The following CDH13 variants were observed in gnomAD, a reference collection of about 807,000 sequenced individuals.
CDH13 encodes the protein cadherin-13.
In CDH13, 24 loss-of-function variants were observed where a neutral mutation model predicts 63.8. The observed-to-expected ratio is 0.38, with a 90% CI of 0.27 to 0.53. CDH13 has a LOEUF of 0.53. Ranked by LOEUF, CDH13 falls within the 20% of genes least tolerant of loss-of-function variation. The pLI is 0.85. For synonymous variants in CDH13, 503 were observed against 355.3 expected, an observed-to-expected ratio of 1.42 and a Z score of -4.67; for missense variants, 1,049 against 903.1, an observed-to-expected ratio of 1.16 and a Z score of -2.07.
intron 7 of CDH13, among the ~76,000 whole-genome samples, chr16:83,543,103 G>T (rs1388016398): frequency 7.2e-5 from 11 of 152,172 alleles, no homozygotes; most frequent in African/African-American, 2.2e-4. Flanking sequence ...GTGTAGCTTG[G>T]CGCTTGGCAC....
intron 5 of CDH13, among the ~76,000 whole-genome samples, chr16:83,307,613 G>T (rs1231735116): frequency 2.0e-5 from 3 of 152,178 alleles, no homozygotes; most frequent in Non-Finnish European, 4.4e-5. Flanking sequence ...TGGTTACAAA[G>T]TAAAATAAAC....
chr16:83,077,935 G>C (rs2032964587), intron 3 of CDH13, among the ~76,000 whole-genome samples: 2 of 152,196 alleles, frequency 1.3e-5, no homozygotes, highest in South Asian at 4.1e-4. Flanking sequence ...GATTTAATTT[G>C]CGTTACCCTA....
chr16:83,240,677 A>G (rs1490581145), intron 5 of CDH13, among the ~76,000 whole-genome samples: 3 of 28,220 alleles, frequency 1.1e-4, no homozygotes, highest in South Asian at 3.3e-3. Context: ...AAATAGTAAA[A>G]AAAAAAAAAA....
At chr16:83,356,083 A>T (rs1466598527) in intron 6 of CDH13, among the ~76,000 whole-genome samples, 2 of 152,066 alleles carry the variant, frequency 1.3e-5, no homozygotes, top group Non-Finnish European at 2.9e-5. Flanking sequence ...TTTTCATTTC[A>T]TCCCCATCCA....
chr16:82,666,553 G>C (rs932866696), intron 1 of CDH13, among the ~76,000 whole-genome samples: 2 of 152,230 alleles, frequency 1.3e-5, no homozygotes, highest in African/African-American at 4.8e-5. Context: ...TTTGAAGCCA[G>C]ACTCACTTGC....
At chr16:82,951,460 T>G (rs920173201) in intron 2 of CDH13, among the ~76,000 whole-genome samples, 1 of 152,140 alleles carries the variant, frequency 6.6e-6, no homozygotes, top group Non-Finnish European at 1.5e-5. Context: ...TTTCATCTCC[T>G]CCCAAGCCGA....
intron 4 of CDH13, among the ~76,000 whole-genome samples, chr16:83,146,387 A>G (rs1401670811): frequency 1.3e-5 from 2 of 152,198 alleles, no homozygotes; most frequent in African/African-American, 4.8e-5. Flanking sequence ...CAAGAAACCT[A>G]AAAGTAGGCA....
At chr16:83,589,243 C>T (rs1470189349) in intron 7 of CDH13, among the ~76,000 whole-genome samples, 1 of 143,254 alleles carries the variant, frequency 7.0e-6, no homozygotes, top group African/African-American at 2.6e-5. Context: ...ATCCCCCTCC[C>T]TCTTCTCTCT....
chr16:83,115,608 G>A (rs2035255831), intron 3 of CDH13, among the ~76,000 whole-genome samples: 1 of 152,220 alleles, frequency 6.6e-6, no homozygotes. Flanking sequence ...TGACTTACAA[G>A]ACTGTCCATA....
chr16:83,055,717 A>C (rs541746859), intron 3 of CDH13, among the ~76,000 whole-genome samples: 148 of 152,066 alleles, frequency 9.7e-4, no homozygotes, highest in African/African-American at 3.5e-3. Flanking sequence ...TGTAAAATAG[A>C]AAAAAAATGA....
intron 5 of CDH13, among the ~76,000 whole-genome samples, chr16:83,293,988 G>GA (rs1295661036): frequency 3.3e-5 from 5 of 152,206 alleles, no homozygotes; most frequent in East Asian, 1.9e-4. Flanking sequence ...GGAGAAGATT[G>GA]AAAAAAATCA....
intron 1 of CDH13, among the ~76,000 whole-genome samples, chr16:82,813,312 GCA>G (rs1195730945): frequency 6.6e-6 from 1 of 152,142 alleles, no homozygotes; most frequent in Non-Finnish European, 1.5e-5. Context: ...CTTCAGAGCT[GCA>G]CCTGTGCTCC....
At chr16:82,709,542 C>T (rs1421322001) in intron 1 of CDH13, among the ~76,000 whole-genome samples, 1 of 152,160 alleles carries the variant, frequency 6.6e-6, no homozygotes, top group Non-Finnish European at 1.5e-5. Flanking sequence ...TCTGTTACTT[C>T]ATCTGAAAGT....
At chr16:82,825,781 A>C (rs997901038) in intron 1 of CDH13, 9 of 152,000 alleles carry the variant, frequency 5.9e-5, no homozygotes, top group African/African-American at 2.2e-4. Context: ...TCCTGAGCTC[A>C]GGTGATCCAC....
intron 5 of CDH13, among the ~76,000 whole-genome samples, chr16:83,306,606 A>T (rs887096807): frequency 1.3e-5 from 2 of 152,156 alleles, no homozygotes; most frequent in African/African-American, 2.4e-5. Context: ...AACCTGAGCT[A>T]AATTATAATA....
chr16:82,690,022 G>C lies in CDH13; in HGVS notation c.45+62885G>C, dbSNP rs12448582. 5.3e-3 allele frequency among the ~76,000 whole-genome samples: 241 copies of C among 45,544 alleles called. 1 individual carries two copies. Among genetic ancestry groups the C allele is most frequent in the Middle Eastern group, 0.05 (2 of 40 alleles). The allele number at this position is 45,544 out of a possible 152,430, so 29.9% of individuals were successfully genotyped here. The stretch of plus-strand genomic sequence containing the variant: ...AAAAAAAAAAAAAAAAAAAAAATTA[G>C]CCAGGCATGGTGTTGCATGCCTGTA... On this transcript the variant is annotated intron_variant, in intron 1 of 13. Transcript: ENST00000567109.
intron 7 of CDH13, among the ~76,000 whole-genome samples, chr16:83,543,924 C>T (rs2075337576): frequency 6.6e-6 from 1 of 152,194 alleles, no homozygotes; most frequent in African/African-American, 2.4e-5. Context: ...TCTGAGCCAC[C>T]CCATCAGTGA....
intron 1 of CDH13, among the ~76,000 whole-genome samples, 153 bp from the exon 2 acceptor site, chr16:82,858,209 G>A (rs1199032055): frequency 6.6e-6 from 1 of 152,204 alleles, no homozygotes; most frequent in Non-Finnish European, 1.5e-5. Flanking sequence ...AAAAAGAATT[G>A]TTGGCAGCCA....
chr16:83,214,729 G>C (rs1396160984), intron 4 of CDH13, among the ~76,000 whole-genome samples: 1 of 152,050 alleles, frequency 6.6e-6, no homozygotes, highest in Non-Finnish European at 1.5e-5. Context: ...CCTTCTGTGT[G>C]GCAGGACATG....
Sources: gnomAD v4.1 joint callset for allele counts (sites outside exome capture counted in the v4.1 genomes callset) on GRCh38, gnomAD v4.1.1 for gene constraint, MANE v1.5 for transcripts, NCBI Gene and HGNC (gene_info 2026-07-23, HGNC 2026-07-21) for gene names.